Variants in FGF14 observed in about 807,000 individuals in gnomAD.
The protein encoded by FGF14 is fibroblast growth factor 14, also known as fibroblast growth factor homologous factor 4.
FGF14 carries 5 observed loss-of-function variants against 25.5 expected under a neutral mutation model. That is an observed-to-expected ratio of 0.20 (90% CI 0.10 to 0.41). The LOEUF (loss-of-function observed/expected upper bound fraction) is 0.41, where lower values mean the gene tolerates loss of function less well. Ranked by LOEUF, FGF14 falls within the 10% of genes least tolerant of loss-of-function variation. The pLI, the probability that FGF14 is intolerant of heterozygous loss-of-function variation, is 1.00. For missense variants in FGF14, 222 were observed against 320.1 expected (o/e 0.69, Z 2.34); for synonymous variants, 138 against 118.3 (o/e 1.17, Z -1.08).
intron 1 of FGF14, among the ~76,000 whole-genome samples, chr13:102,121,737 G>A (rs186310516): frequency 6.6e-4 from 100 of 152,240 alleles, no homozygotes; most frequent in Middle Eastern, 3.4e-3. Context: ...AATTGAGGAC[G>A]GGAATGTCAG....
intron 1 of FGF14, among the ~76,000 whole-genome samples, chr13:102,279,664 T>C (rs1483803736): frequency 2.0e-5 from 3 of 152,156 alleles, no homozygotes; most frequent in Non-Finnish European, 2.9e-5. Flanking sequence ...GCCCAATGCA[T>C]ACTCAATTAT....
chr13:101,715,230 G>A lies in FGF14; in HGVS notation c.*7601C>T, dbSNP rs138852216. 1.3e-4 allele frequency: 30 copies of A among 225,850 alleles called. No individual in the cohort carries two copies. In the East Asian group the frequency reaches 2.0e-3, roughly 15 times the overall value. 14.0% of individuals were successfully genotyped at this position (225,850 alleles called of 1,614,324 possible). ...GGCCTGCCTCATGTTATGTCAAAGA[G>A]CCTTATGTTTTTCTGTATTTATTCA... On this transcript the variant is annotated 3_prime_UTR_variant, in exon 5 of 5. Transcript: ENST00000376143.
intron 3 of FGF14, among the ~76,000 whole-genome samples, chr13:101,745,119 T>C (rs2036803330): frequency 6.6e-6 from 1 of 152,102 alleles, no homozygotes; most frequent in Non-Finnish European, 1.5e-5. Flanking sequence ...AAATGATTAT[T>C]CATGTCTTTT....
At chr13:102,369,880 AG>A (rs1210066893) in intron 1 of FGF14, among the ~76,000 whole-genome samples, 6 of 152,202 alleles carry the variant, frequency 3.9e-5, no homozygotes, top group African/African-American at 1.4e-4. Flanking sequence ...TCTTTGTCTC[AG>A]GTTTTATGAT....
intron 1 of FGF14, among the ~76,000 whole-genome samples, chr13:102,157,572 CAATACCAT>C: frequency 6.6e-6 from 1 of 152,280 alleles, no homozygotes; most frequent in East Asian, 1.9e-4. Flanking sequence ...AAAACCTAGG[CAATACCAT>C]TCAGGACATA....
upstream of FGF14, among the ~76,000 whole-genome samples, chr13:101,919,967 C>G (rs1388175754): frequency 6.6e-6 from 1 of 152,176 alleles, no homozygotes; most frequent in Non-Finnish European, 1.5e-5. Flanking sequence ...TTCTCTTCAA[C>G]GTAGCTTCCT....
At chr13:102,303,782 G>A (rs548614643) in intron 1 of FGF14, among the ~76,000 whole-genome samples, 2 of 152,134 alleles carry the variant, frequency 1.3e-5, no homozygotes, top group Non-Finnish European at 2.9e-5. Flanking sequence ...CACGAACCTA[G>A]ATAATGACCT....
rs1427865297 is a variant in FGF14 at position 102,326,700 on chromosome 13, A to AAGGAAGGT, written c.208+74770_208+74771insACCTTCCT. 3.4e-3 allele frequency among the ~76,000 whole-genome samples: 167 copies of AAGGAAGGT among 48,610 alleles called. 2 individuals carry two copies. Among genetic ancestry groups the AAGGAAGGT allele is most frequent in the African/African-American group, 0.021 (156 of 7,296 alleles). 31.9% of individuals were successfully genotyped at this position (48,610 alleles called of 152,430 possible). A position where few individuals can be genotyped will look rare whatever the true frequency, so the allele number is the denominator to read the frequency against. On this transcript the variant is annotated intron_variant, in intron 1 of 4. Transcript: ENST00000376131. ...GAAGGGAAGGGAAGGGAAGGGAAGG[A>AAGGAAGGT]AGGAAGGAAGGAAGGAAGGAAGGAA...
chr13:102,120,904 G>T (rs955643411), intron 1 of FGF14, among the ~76,000 whole-genome samples: 4 of 151,940 alleles, frequency 2.6e-5, no homozygotes, highest in Non-Finnish European at 5.9e-5. Context: ...GGGTTTCACC[G>T]TGTTGGCCAG....
At chr13:102,157,487 C>A (rs900430289) in intron 1 of FGF14, among the ~76,000 whole-genome samples, 3 of 152,194 alleles carry the variant, frequency 2.0e-5, no homozygotes, top group African/African-American at 7.2e-5. Context: ...CTCTTCCTTA[C>A]ACCTTATACA....
intron 1 of FGF14, among the ~76,000 whole-genome samples, chr13:102,311,021 T>C (rs2055734686): frequency 2.0e-5 from 3 of 151,878 alleles, no homozygotes; most frequent in African/African-American, 7.3e-5. Flanking sequence ...CCCACTTGCA[T>C]CAAAATTTAC....
intron 1 of FGF14, among the ~76,000 whole-genome samples, chr13:102,369,241 T>C (rs2057805300): frequency 6.6e-6 from 1 of 152,146 alleles, no homozygotes. Flanking sequence ...ATTGAAGGGC[T>C]CCCAGCAATG....
chr13:102,251,942 T>C (rs536542186), intron 1 of FGF14, among the ~76,000 whole-genome samples: 1 of 152,324 alleles, frequency 6.6e-6, no homozygotes, highest in Non-Finnish European at 1.5e-5. Flanking sequence ...TCTTTGTTCC[T>C]CTGCATCTCA....
chr13:102,332,275 T>C (rs1456767919), intron 1 of FGF14, among the ~76,000 whole-genome samples: 1 of 151,974 alleles, frequency 6.6e-6, no homozygotes, highest in Non-Finnish European at 1.5e-5. Flanking sequence ...ATTAAAACAT[T>C]TGAAAAAAGA....
chr13:102,166,704 A>G (rs2048028311), intron 1 of FGF14, among the ~76,000 whole-genome samples: 1 of 152,142 alleles, frequency 6.6e-6, no homozygotes, highest in South Asian at 2.1e-4. Flanking sequence ...ATGAGTTACA[A>G]TGTCGCTGGT....
chr13:101,831,824 A>G (rs771837148), intron 3 of FGF14, among the ~76,000 whole-genome samples: 1 of 152,080 alleles, frequency 6.6e-6, no homozygotes, highest in Non-Finnish European at 1.5e-5. Context: ...GTTCTGTGCT[A>G]GAGTAAAATC....
intron 1 of FGF14, among the ~76,000 whole-genome samples, chr13:101,910,837 C>CATGT (rs2032846797): frequency 7.7e-6 from 1 of 129,222 alleles, no homozygotes; most frequent in Non-Finnish European, 1.7e-5. Context: ...GATTTGGATT[C>CATGT]GTGTGTGTGT....
chr13:102,152,137 C>A (rs1252469480), intron 1 of FGF14, among the ~76,000 whole-genome samples: 2 of 152,098 alleles, frequency 1.3e-5, no homozygotes, highest in Non-Finnish European at 2.9e-5. Flanking sequence ...GTTTTCTATA[C>A]CTGAAAGTGA....
At chr13:102,045,025 T>C (rs1287605041) in intron 1 of FGF14, among the ~76,000 whole-genome samples, 1 of 152,180 alleles carries the variant, frequency 6.6e-6, no homozygotes, top group African/African-American at 2.4e-5. Context: ...ATAACCTCAC[T>C]GACGTTCCCC....
Sources: allele counts gnomAD v4.1 joint callset (sites outside exome capture counted in the v4.1 genomes callset), GRCh38; gene constraint gnomAD v4.1.1; transcripts MANE v1.5; gene names NCBI Gene and HGNC (gene_info 2026-07-23, HGNC 2026-07-21).